The following OCA2 variants were observed in gnomAD, a reference collection of about 807,000 sequenced individuals.
The protein encoded by OCA2 is P protein.
OCA2 carries 77 observed loss-of-function variants against 100.2 expected under a neutral mutation model. That is an observed-to-expected ratio of 0.77 (90% CI 0.64 to 0.93). OCA2 has a LOEUF of 0.93. Among genes scored for constraint, OCA2 ranks in the 40% least tolerant of loss-of-function variants. The pLI is 0.00. For synonymous variants in OCA2, 432 were observed against 439.2 expected (o/e 0.98, Z 0.21); for missense variants, 1,062 against 1,089.1 (o/e 0.98, Z 0.35).
chr15:27,896,129 G>A, intron 19 of OCA2: 1 of 1,026,602 alleles, frequency 9.7e-7, no homozygotes, highest in Non-Finnish European at 1.5e-6. Context: ...CCTGCTATAT[G>A]GATGCAGGCC....
intron 19 of OCA2, among the ~76,000 whole-genome samples, chr15:27,897,166 G>T (rs1160554164): frequency 6.7e-6 from 1 of 150,244 alleles, no homozygotes; most frequent in Non-Finnish European, 1.5e-5. Context: ...CCCTAGCCTG[G>T]GCGACAGAGC....
intron 14 of OCA2, among the ~76,000 whole-genome samples, chr15:27,976,114 G>A (rs75893362): frequency 3.0e-4 from 46 of 152,226 alleles, no homozygotes; most frequent in South Asian, 6.2e-4. Flanking sequence ...TATGGACTCC[G>A]TATCCTGCAA....
intron 23 of OCA2, among the ~76,000 whole-genome samples, chr15:27,770,933 T>TC (rs1454521902): frequency 2.5e-5 from 3 of 121,692 alleles, no homozygotes; most frequent in African/African-American, 5.7e-5. Flanking sequence ...CTCTTTTCCT[T>TC]TCTTCCTTCC....
At chr15:27,982,527 T>C (rs894217992) in intron 14 of OCA2, among the ~76,000 whole-genome samples, 1 of 152,208 alleles carries the variant, frequency 6.6e-6, no homozygotes, top group East Asian at 1.9e-4. Context: ...AGCTAGGGAA[T>C]GCAGAGCCAT....
intron 23 of OCA2, among the ~76,000 whole-genome samples, chr15:27,762,310 C>T (rs937113263): frequency 2.6e-5 from 4 of 152,242 alleles, no homozygotes; most frequent in Admixed American, 2.6e-4. Context: ...GCCCATTGAC[C>T]AGACCTTGGA....
At chr15:28,060,637 GT>G (rs1211688794) in intron 2 of OCA2, among the ~76,000 whole-genome samples, 1 of 152,208 alleles carries the variant, frequency 6.6e-6, no homozygotes, top group African/African-American at 2.4e-5. Flanking sequence ...AACTTTGGAA[GT>G]TAACAAAAGT....
chr15:27,996,351 TTTTA>T (rs1289555987), intron 9 of OCA2, among the ~76,000 whole-genome samples: 1 of 152,100 alleles, frequency 6.6e-6, no homozygotes, highest in African/African-American at 2.4e-5. Flanking sequence ...TATATACAAT[TTTTA>T]TTTGTTAATT....
chr15:28,089,625 A>G (rs987149353), intron 1 of OCA2, among the ~76,000 whole-genome samples: 5 of 152,228 alleles, frequency 3.3e-5, no homozygotes, highest in African/African-American at 1.2e-4. Context: ...AAAAAAATGC[A>G]TTACATGTAA....
intron 2 of OCA2, among the ~76,000 whole-genome samples, chr15:28,062,660 T>C (rs1323514719): frequency 1.3e-5 from 2 of 152,210 alleles, no homozygotes; most frequent in African/African-American, 4.8e-5. Flanking sequence ...TATAACCATG[T>C]TTTCTTCTAG....
intron 2 of OCA2, among the ~76,000 whole-genome samples, chr15:28,045,108 T>C (rs955901467): frequency 2.6e-5 from 4 of 152,218 alleles, no homozygotes; most frequent in Admixed American, 6.5e-5. Flanking sequence ...AATCTGTTCC[T>C]TGTTCCCTTT....
chr15:27,948,680 G>A (rs1015295246), intron 18 of OCA2, among the ~76,000 whole-genome samples: 15 of 151,976 alleles, frequency 9.9e-5, no homozygotes, highest in South Asian at 2.1e-4. Context: ...TGCCCAGGCC[G>A]GTCTCGAACT....
chr15:27,722,666 C>CTTTTCTTTCTTTT, the OCA2 span, among the ~76,000 whole-genome samples: 1 of 140,528 alleles, frequency 7.1e-6, no homozygotes, highest in African/African-American at 3.1e-5. Flanking sequence ...CTCTTTCTTT[C>CTTTTCTTTCTTTT]CTTTCTTTTC....
chr15:27,845,139 A>G, intron 22 of OCA2, 87 bp from the exon 23 acceptor site: 1 of 972,324 alleles, frequency 1.0e-6, no homozygotes. Flanking sequence ...AGATCATCTC[A>G]CAGGCTTTGA....
intron 23 of OCA2, among the ~76,000 whole-genome samples, chr15:27,756,566 T>C (rs1263750146): frequency 2.0e-5 from 3 of 152,214 alleles, no homozygotes; most frequent in African/African-American, 7.2e-5. Context: ...TTTTTGAAAA[T>C]AGCTGAACAT....
At chr15:28,070,666 CA>C (rs2141783620) in intron 2 of OCA2, among the ~76,000 whole-genome samples, 1 of 149,616 alleles carries the variant, frequency 6.7e-6, no homozygotes, top group South Asian at 2.2e-4. Context: ...GAGGTGTGCC[CA>C]ACAGCTCATT....
chr15:28,072,318 G>A (rs879912713), intron 2 of OCA2, among the ~76,000 whole-genome samples: 3 of 130,372 alleles, frequency 2.3e-5, no homozygotes, highest in South Asian at 2.5e-4. Flanking sequence ...GGCCGGGTGC[G>A]GTGGCTCACG....
rs1056434382 is a variant in OCA2 at position 27,878,267 on chromosome 15, G to A, written c.2080-6345C>T. On this transcript the variant is annotated intron_variant, in intron 19 of 23. Coordinates refer to ENST00000354638, the MANE Select transcript of OCA2 (RefSeq NM_000275.3). ...TTTGAAGAACGTAAGAGGGAAAAAC[G>A]TTATCTTTTACACTTACCTACTATT... Among the ~76,000 whole-genome samples the A allele has an allele frequency of 5.9e-5, 9 of 151,898 alleles. No homozygotes were observed. The South Asian group carries it at 1.7e-3, about 28-fold the overall frequency.
intron 23 of OCA2, among the ~76,000 whole-genome samples, chr15:27,756,605 AG>A (rs143989946): frequency 0.021 from 3,239 of 152,326 alleles, 122 homozygotes; most frequent in African/African-American, 0.073. Flanking sequence ...CTGATCATTG[AG>A]TTCTGGAAAA....
At chr15:27,861,441 A>G (rs4778199) in intron 21 of OCA2, among the ~76,000 whole-genome samples, 66,282 of 151,832 alleles carry the variant, frequency 0.44, 16,830 homozygotes, top group African/African-American at 0.68. Context: ...GTAAGTGTTC[A>G]GATGAGACCC....
Sources: allele counts gnomAD v4.1 joint callset (sites outside exome capture counted in the v4.1 genomes callset), GRCh38; gene constraint gnomAD v4.1.1; transcripts MANE v1.5; gene names NCBI Gene and HGNC (gene_info 2026-07-23, HGNC 2026-07-21).